QKI: variants seen among roughly 807,000 people sequenced by gnomAD.
The protein encoded by QKI is QKI, KH domain containing RNA binding, also known as KH domain-containing RNA-binding protein QKI.
A neutral mutation model predicts 39.0 loss-of-function variants in QKI; 10 were observed. That is an observed-to-expected ratio of 0.26 (90% CI 0.16 to 0.43). The LOEUF (loss-of-function observed/expected upper bound fraction) is 0.43, where lower values mean the gene tolerates loss of function less well. Among genes scored for constraint, QKI ranks in the 20% least tolerant of loss-of-function variants. The pLI is 1.00. For synonymous variants in QKI, 204 were observed against 155.4 expected, an observed-to-expected ratio of 1.31 and a Z score of -2.33; for missense variants, 218 against 428.0, an observed-to-expected ratio of 0.51 and a Z score of 4.33.
chr6:163,569,014 A>G (rs1434304339), intron 7 of QKI: 2 of 981,394 alleles, frequency 2.0e-6, no homozygotes, highest in Non-Finnish European at 2.4e-6. Context: ...GAGTAATACA[A>G]AAACCATCAC....
At chr6:163,442,451 C>T (rs1418605474) in intron 1 of QKI, among the ~76,000 whole-genome samples, 2 of 152,118 alleles carry the variant, frequency 1.3e-5, no homozygotes, top group Non-Finnish European at 2.9e-5. Flanking sequence ...AGTGACATCT[C>T]ACTTGGATTT....
chr6:163,567,887 T>C (rs1783463095), intron 7 of QKI: 2 of 985,534 alleles, frequency 2.0e-6, no homozygotes, highest in Admixed American at 6.2e-5. Flanking sequence ...TGTGATTACC[T>C]TGAGTACTGA....
At chr6:163,442,657 G>A (rs533213743) in intron 1 of QKI, among the ~76,000 whole-genome samples, 1 of 152,284 alleles carries the variant, frequency 6.6e-6, no homozygotes, top group East Asian at 1.9e-4. Context: ...GGAATATGAA[G>A]TGTGAGAATG....
intron 4 of QKI, among the ~76,000 whole-genome samples, chr6:163,539,125 G>C (rs1772691500): frequency 6.6e-6 from 1 of 152,124 alleles, no homozygotes; most frequent in Admixed American, 6.6e-5. Context: ...CTAAACCTGG[G>C]GTGCTTCACC....
At chr6:163,555,865 T>C (rs190562936) in intron 4 of QKI, among the ~76,000 whole-genome samples, 1 of 152,202 alleles carries the variant, frequency 6.6e-6, no homozygotes, top group Non-Finnish European at 1.5e-5. Flanking sequence ...CTAAAAATAC[T>C]AAATAAACAT....
chr6:163,452,991 G>T (rs554830589), intron 1 of QKI, among the ~76,000 whole-genome samples: 110 of 152,180 alleles, frequency 7.2e-4, no homozygotes, highest in African/African-American at 2.6e-3. Context: ...GCCTCCCAAA[G>T]TGCTGGGATT....
intron 6 of QKI, chr6:163,565,196 A>G: frequency 2.0e-6 from 2 of 990,912 alleles, no homozygotes; most frequent in Non-Finnish European, 2.4e-6. Flanking sequence ...TTAAAATAAC[A>G]TGTAACCTGT....
chr6:163,514,593 C>T (rs974293117), intron 3 of QKI, among the ~76,000 whole-genome samples: 2 of 152,050 alleles, frequency 1.3e-5, no homozygotes, highest in Admixed American at 6.5e-5. Context: ...GAGGGATAAG[C>T]AGGTTGACCA....
At chr6:163,490,419 C>T (rs1236413577) in intron 3 of QKI, among the ~76,000 whole-genome samples, 1 of 152,144 alleles carries the variant, frequency 6.6e-6, no homozygotes, top group Non-Finnish European at 1.5e-5. Context: ...ATGATATATA[C>T]ATTGTGCAGG....
At chr6:163,434,319 T>C (rs61306342) in intron 1 of QKI, among the ~76,000 whole-genome samples, 4,244 of 152,308 alleles carry the variant, frequency 0.028, 195 homozygotes, top group African/African-American at 0.096. Context: ...TGATAATCCC[T>C]CTTATGACGG....
At chr6:163,493,764 C>G (rs1202818452) in intron 3 of QKI, among the ~76,000 whole-genome samples, 1 of 152,160 alleles carries the variant, frequency 6.6e-6, no homozygotes, top group African/African-American at 2.4e-5. Context: ...CTTTCAACTT[C>G]ACTGTTTGAA....
At chr6:163,478,714 A>T in intron 2 of QKI, 66 bp from the exon 3 acceptor site, 1 of 1,038,006 alleles carries the variant, frequency 9.6e-7, no homozygotes, top group Non-Finnish European at 1.4e-6. Context: ...GATATACTTT[A>T]TATTTTAAGA....
chr6:163,439,340 G>GTT (rs573449244), intron 1 of QKI, among the ~76,000 whole-genome samples: 1,768 of 107,676 alleles, frequency 0.016, 65 homozygotes, highest in African/African-American at 0.049. Flanking sequence ...GTTTTTTTTT[G>GTT]TTTTTTTTTT....
chr6:163,443,317 TC>T (rs1267033434), intron 1 of QKI, among the ~76,000 whole-genome samples: 1 of 152,258 alleles, frequency 6.6e-6, no homozygotes, highest in Non-Finnish European at 1.5e-5. Flanking sequence ...ACGCCTGTAA[TC>T]CCAGCACTTT....
At chr6:163,516,315 G>A (rs1779796186) in intron 3 of QKI, among the ~76,000 whole-genome samples, 1 of 151,936 alleles carries the variant, frequency 6.6e-6, no homozygotes, top group East Asian at 1.9e-4. Context: ...ATTTTTTTGA[G>A]ACGGAGTCTG....
At chr6:163,475,940 C>T (rs1043493553) in intron 2 of QKI, among the ~76,000 whole-genome samples, 22 of 151,894 alleles carry the variant, frequency 1.4e-4, no homozygotes, top group Non-Finnish European at 4.4e-5. Context: ...AGGGAGAAGA[C>T]GAGCCACAGG....
intron 1 of QKI, among the ~76,000 whole-genome samples, chr6:163,420,767 C>T (rs1384490753): frequency 2.0e-5 from 3 of 152,124 alleles, no homozygotes; most frequent in Non-Finnish European, 4.4e-5. Flanking sequence ...ATATTTTTTA[C>T]TTAACAGAAA....
intron 3 of QKI, among the ~76,000 whole-genome samples, chr6:163,509,489 A>G (rs968968698): frequency 2.0e-5 from 3 of 147,458 alleles, no homozygotes; most frequent in African/African-American, 7.6e-5. Flanking sequence ...GGGGGGGGGG[A>G]ATAGTATTGT....
At chr6:163,456,077 TAAGTC>T (rs1790886641) in intron 2 of QKI, among the ~76,000 whole-genome samples, 1 of 152,218 alleles carries the variant, frequency 6.6e-6, no homozygotes, top group African/African-American at 2.4e-5. Flanking sequence ...GCTTTTAGAA[TAAGTC>T]AAGTCTATTC....
Sources: gnomAD v4.1 joint callset for allele counts (sites outside exome capture counted in the v4.1 genomes callset) on GRCh38, gnomAD v4.1.1 for gene constraint, MANE v1.5 for transcripts, NCBI Gene and HGNC (gene_info 2026-07-23, HGNC 2026-07-21) for gene names.